The following ADAMTS17 variants were observed in gnomAD, a reference collection of about 807,000 sequenced individuals.
ADAMTS17 encodes the protein A disintegrin and metalloproteinase with thrombospondin motifs 17.
A neutral mutation model predicts 141.5 loss-of-function variants in ADAMTS17; 113 were observed. The observed-to-expected ratio is 0.80, with a 90% CI of 0.69 to 0.93. The LOEUF (loss-of-function observed/expected upper bound fraction) is 0.93. Among genes scored for constraint, ADAMTS17 ranks in the 40% least tolerant of loss-of-function variants. The pLI is 0.00. For synonymous variants in ADAMTS17, 768 were observed against 630.6 expected (o/e 1.22, Z -3.27); for missense variants, 1,659 against 1,517.9 (o/e 1.09, Z -1.54).
chr15:100,253,179 A>G (rs990212419), intron 7 of ADAMTS17, among the ~76,000 whole-genome samples: 1 of 151,638 alleles, frequency 6.6e-6, no homozygotes, highest in African/African-American at 2.4e-5. Flanking sequence ...CCCGATGAAC[A>G]AAGGTTCGCG....
At chr15:100,306,166 C>G (rs1028518460) in intron 3 of ADAMTS17, 3 of 265,186 alleles carry the variant, frequency 1.1e-5, no homozygotes, top group Admixed American at 4.5e-5. Flanking sequence ...TGTCACCTAC[C>G]TACAGTTATA....
intron 18 of ADAMTS17, among the ~76,000 whole-genome samples, chr15:100,038,641 T>A (rs2030974561): frequency 6.6e-6 from 1 of 152,250 alleles, no homozygotes; most frequent in Admixed American, 6.5e-5. Flanking sequence ...TATACAGAAA[T>A]ACAATTGATT....
chr15:100,181,944 C>T (rs1167133138), intron 8 of ADAMTS17, among the ~76,000 whole-genome samples: 2 of 152,182 alleles, frequency 1.3e-5, no homozygotes. Flanking sequence ...TATTTAGAAC[C>T]CCAGAGCACT....
intron 7 of ADAMTS17, among the ~76,000 whole-genome samples, chr15:100,207,543 T>C (rs760124198): frequency 6.6e-6 from 1 of 152,190 alleles, no homozygotes; most frequent in Non-Finnish European, 1.5e-5. Context: ...CGCCATGGGC[T>C]TGGCCTTGAT....
At chr15:100,181,376 G>C (rs2040519533) in intron 8 of ADAMTS17, among the ~76,000 whole-genome samples, 2 of 152,316 alleles carry the variant, frequency 1.3e-5, no homozygotes, top group East Asian at 1.9e-4. Flanking sequence ...TTCTCAAGCA[G>C]AAGGAGTCTC....
chr15:100,278,073 T>C (rs573596700), intron 4 of ADAMTS17, among the ~76,000 whole-genome samples: 2 of 152,198 alleles, frequency 1.3e-5, no homozygotes, highest in Admixed American at 6.5e-5. Context: ...ATTCCACTTA[T>C]ATGAGGTATC....
Position 100,048,872 on chromosome 15 carries a change from T to C in ADAMTS17, c.2576A>G (p.His859Arg). The change falls in exon 18 of 22, where the codon CAC becomes CGC. Residue 859 changes from histidine to arginine, a missense_variant. By Grantham distance (29) the His-to-Arg change is conservative (BLOSUM62 0). Coordinates refer to ENST00000268070, the MANE Select transcript of ADAMTS17 (RefSeq NM_139057.4). ...PEPQVRRCNLHPCQSRWVAGP... is the reference protein window; with the variant it reads ...PEPQVRRCNLRPCQSRWVAGP... Reference sequence around the variant, plus strand: ...AGCTTCTTACCGTGACTGGCAGGGGTGCAAGTTGCACCTTCGGACCTGGGG... The same window carrying C: ...AGCTTCTTACCGTGACTGGCAGGGGCGCAAGTTGCACCTTCGGACCTGGGG... 1 of 1,613,188 alleles carries C rather than the reference T, an allele frequency of 6.2e-7. No individual in the cohort carries two copies. Among genetic ancestry groups the C allele is most frequent in the Non-Finnish European group, 8.5e-7 (1 of 1,179,942 alleles).
intron 4 of ADAMTS17, among the ~76,000 whole-genome samples, chr15:100,267,723 T>TA (rs1283536465): frequency 6.6e-6 from 1 of 152,128 alleles, no homozygotes; most frequent in Non-Finnish European, 1.5e-5. Flanking sequence ...TGCCACCTTT[T>TA]AAAAAATTTT....
chr15:100,208,014 G>A (rs539969714), intron 7 of ADAMTS17, among the ~76,000 whole-genome samples: 25 of 152,254 alleles, frequency 1.6e-4, no homozygotes, highest in Middle Eastern at 3.4e-3. Context: ...AGAATCGGAG[G>A]CTAAAATCAT....
chr15:100,256,633 T>C (rs2043336747), intron 6 of ADAMTS17: 1 of 152,160 alleles, frequency 6.6e-6, no homozygotes, highest in South Asian at 2.1e-4. Flanking sequence ...CCCGAGGAGT[T>C]AGATGGTATT....
chr15:99,991,670 G>GA (rs1223140244), intron 20 of ADAMTS17, among the ~76,000 whole-genome samples: 1 of 152,164 alleles, frequency 6.6e-6, no homozygotes, highest in African/African-American at 2.4e-5. Flanking sequence ...TCCCTTTACT[G>GA]AATATATACC....
chr15:100,135,412 T>A (rs1028506618), intron 10 of ADAMTS17, among the ~76,000 whole-genome samples: 17 of 151,816 alleles, frequency 1.1e-4, no homozygotes, highest in African/African-American at 4.1e-4. Flanking sequence ...GCCTTCCGAG[T>A]AGCTGGGACC....
Position 100,316,947 on chromosome 15 carries a change from T to C in ADAMTS17, c.616+13942A>G, listed in dbSNP as rs576789757. On this transcript the variant is annotated intron_variant, in intron 3 of 21. Coordinates refer to ENST00000268070, the MANE Select transcript of ADAMTS17 (RefSeq NM_139057.4). ...TCACACAGGTGGGCAGCAGGAAATG[T>C]CCCTTTTACAGTATCTGACAGGCTC... is the stretch of plus-strand genomic sequence containing the variant. Among the ~76,000 whole-genome samples the C allele has an allele frequency of 2.0e-5, 3 of 152,280 alleles. No homozygotes were observed. In the South Asian group the frequency reaches 6.2e-4, roughly 32 times the overall value.
intron 18 of ADAMTS17, among the ~76,000 whole-genome samples, chr15:100,015,441 G>C (rs1321224994): frequency 6.6e-6 from 1 of 151,908 alleles, no homozygotes; most frequent in Non-Finnish European, 1.5e-5. Context: ...TTTTTAACTT[G>C]TATTTTTGTT....
intron 18 of ADAMTS17, among the ~76,000 whole-genome samples, chr15:100,001,870 G>A (rs1024017225): frequency 1.3e-5 from 2 of 151,504 alleles, no homozygotes; most frequent in Admixed American, 1.3e-4. Flanking sequence ...TTGGGAGGCT[G>A]AGGTGAGAGA....
intron 10 of ADAMTS17, among the ~76,000 whole-genome samples, chr15:100,142,537 G>A (rs1478841173): frequency 6.6e-6 from 1 of 152,212 alleles, no homozygotes; most frequent in Non-Finnish European, 1.5e-5. Flanking sequence ...TGTGCTACAT[G>A]CTAAGTGCTT....
intron 12 of ADAMTS17, among the ~76,000 whole-genome samples, chr15:100,120,543 C>CT (rs1417978231): frequency 2.6e-5 from 4 of 152,116 alleles, no homozygotes; most frequent in African/African-American, 9.7e-5. Context: ...CTCCTTTTTT[C>CT]TTTTAGGAGC....
intron 8 of ADAMTS17, among the ~76,000 whole-genome samples, chr15:100,193,037 T>C (rs755525280): frequency 6.6e-6 from 1 of 152,232 alleles, no homozygotes; most frequent in African/African-American, 2.4e-5. Context: ...TGGCACAGCA[T>C]CACATCTGGC....
chr15:100,306,638 T>C (rs2045236619), intron 3 of ADAMTS17: 1 of 450,598 alleles, frequency 2.2e-6, no homozygotes, highest in Middle Eastern at 3.4e-4. Context: ...TCTATGAACT[T>C]ATTAAAATGG....
Sources: gnomAD v4.1 joint callset for allele counts (sites outside exome capture counted in the v4.1 genomes callset) on GRCh38, gnomAD v4.1.1 for gene constraint, MANE v1.5 for transcripts, NCBI Gene and HGNC (gene_info 2026-07-23, HGNC 2026-07-21) for gene names.